ACADM: variants seen among roughly 807,000 people sequenced by gnomAD.
The protein encoded by ACADM is medium-chain specific acyl-CoA dehydrogenase, mitochondrial.
Under a neutral mutation model 58.9 loss-of-function variants are expected in ACADM, and 49 were observed. The observed-to-expected ratio is 0.83, with a 90% CI of 0.66 to 1.06. The LOEUF (loss-of-function observed/expected upper bound fraction) is 1.06. ACADM is among the 50% of genes least tolerant of loss of function. The pLI, the probability that ACADM is intolerant of heterozygous loss-of-function variation, is 0.00. For synonymous variants in ACADM, 160 were observed against 157.7 expected (o/e 1.01, Z -0.11); for missense variants, 496 against 507.0 (o/e 0.98, Z 0.21).
intron 2 of ACADM, 140 bp downstream of exon 2, chr1:75,728,628 A>ATCTGTG: frequency 1.6e-6 from 1 of 643,122 alleles, no homozygotes; most frequent in Non-Finnish European, 2.8e-6. Flanking sequence ...ATAATTTACA[A>ATCTGTG]TAACTCACAC....
chr1:75,744,587 T>A (rs17097423), intron 7 of ACADM: 3 of 1,330,160 alleles, frequency 2.3e-6, no homozygotes, highest in Non-Finnish European at 3.2e-6. Flanking sequence ...TTGCATACAG[T>A]TGTAGTTCTG....
At chr1:75,735,983 CTAAA>C (rs924300653) in intron 6 of ACADM, among the ~76,000 whole-genome samples, 8 of 151,812 alleles carry the variant, frequency 5.3e-5, no homozygotes, top group African/African-American at 1.9e-4. Flanking sequence ...GACCCTGTCT[CTAAA>C]TAAATAAATA....
chr1:75,737,719 C>T (rs981895792), intron 6 of ACADM, among the ~76,000 whole-genome samples: 1 of 151,998 alleles, frequency 6.6e-6, no homozygotes, highest in Non-Finnish European at 1.5e-5. Context: ...CCTTCTGAAA[C>T]AGCATCATTT....
chr1:75,750,696 T>G (rs1203065228), intron 10 of ACADM, 150 bp downstream of exon 10: 1 of 707,336 alleles, frequency 1.4e-6, no homozygotes, highest in Non-Finnish European at 2.5e-6. Flanking sequence ...TCAAAGACAT[T>G]TCTTTTTAGA....
At chr1:75,734,618 T>TA in intron 5 of ACADM, 173 bp from the exon 6 acceptor site, 2 of 593,790 alleles carry the variant, frequency 3.4e-6, no homozygotes, top group Non-Finnish European at 6.0e-6. Flanking sequence ...TGAAAATACT[T>TA]AGATTAGCAG....
intron 10 of ACADM, among the ~76,000 whole-genome samples, chr1:75,760,361 G>A (rs1648762208): frequency 1.3e-5 from 2 of 149,140 alleles, no homozygotes. Flanking sequence ...GGCAGAGGTT[G>A]CAGTGAGCCG....
chr1:75,741,113 A>G (rs1396861364), intron 7 of ACADM, among the ~76,000 whole-genome samples: 6 of 152,228 alleles, frequency 3.9e-5, no homozygotes, highest in Non-Finnish European at 7.3e-5. Flanking sequence ...ACCCATCACT[A>G]CAAGTATATA....
chr1:75,740,675 AT>A (rs1172695111), intron 7 of ACADM, among the ~76,000 whole-genome samples: 2 of 152,194 alleles, frequency 1.3e-5, no homozygotes, highest in Admixed American at 6.5e-5. Flanking sequence ...TTGATAAAAG[AT>A]GAGGAAAGTT....
chr1:75,733,601 G>T lies in ACADM; in HGVS notation c.360G>T (p.Gln120His), dbSNP rs951875763. Residue 120 changes from glutamine to histidine, a missense_variant, in exon 5 of 12, where the codon CAG becomes CAT. Gln to His is a conservative substitution (Grantham distance 24). Transcript: ENST00000370841. ...TGGCTTATGGATGTACAGGGGTTCA[G>T]ACTGCTATTGAAGGAAATTCTTTGG... is the stretch of plus-strand genomic sequence containing the variant. Reference protein sequence around the residue: ...EELAYGCTGVQTAIEGNSLGQ... With the variant: ...EELAYGCTGVHTAIEGNSLGQ... 6.2e-7 allele frequency: 1 copy of T among 1,613,878 alleles called. No individual in the cohort carries two copies. The highest frequency in any genetic ancestry group is 1.7e-5 in the Admixed American group (1 of 59,990).
intron 11 of ACADM, 66 bp downstream of exon 11, chr1:75,761,436 T>A: frequency 6.4e-7 from 1 of 1,565,364 alleles, no homozygotes; most frequent in Non-Finnish European, 8.8e-7. Context: ...CAACGTGGAT[T>A]TCTGATTATT....
rs1443376428 is a variant in ACADM, at chr1:75,731,019, G to C, written c.119-1625G>C. Among the ~76,000 whole-genome samples, 3 of 152,188 alleles carry C rather than the reference G, an allele frequency of 2.0e-5. No homozygotes were observed. The East Asian group carries it at 5.8e-4, about 29-fold the overall frequency. ...AAGAGAGATTTGGCTGGGCGCAGTG[G>C]CTCGGGCCTGTAATCCCAGCACTTT... is the stretch of plus-strand genomic sequence containing the variant. On this transcript the variant is annotated intron_variant, in intron 2 of 11. Transcript: ENST00000370841.
At chr1:75,749,283 G>A in intron 8 of ACADM, 136 bp from the exon 9 acceptor site, 1 of 824,016 alleles carries the variant, frequency 1.2e-6, no homozygotes, top group South Asian at 1.6e-5. Context: ...GGCTTTCTTT[G>A]CAAAACAGGC....
At chr1:75,748,100 A>G (rs1647992601) in intron 8 of ACADM, among the ~76,000 whole-genome samples, 1 of 152,206 alleles carries the variant, frequency 6.6e-6, no homozygotes, top group Non-Finnish European at 1.5e-5. Context: ...ATTAAACATG[A>G]GATCAAGTTT....
chr1:75,740,083 G>A lies in ACADM; in HGVS notation c.572G>A (p.Trp191Ter), dbSNP rs761334406. The A allele has an allele frequency of 1.2e-6, 2 of 1,612,362 alleles. No individual in the cohort carries two copies. The highest frequency in any genetic ancestry group is 2.2e-5 in the South Asian group (2 of 91,004). Reference sequence around the variant, plus strand: ...TATATTATTAATGGTCAGAAGATGTGGATAACCAACGGAGGAAAAGCTAAT... The same window carrying A: ...TATATTATTAATGGTCAGAAGATGTAGATAACCAACGGAGGAAAAGCTAAT... ...DEYIINGQKM[W>*]ITNGGKANWY... Residue 191 changes from tryptophan to a stop codon, truncating the protein, a stop_gained, in exon 7 of 12, where the codon TGG (tryptophan) becomes TAG (stop). Coordinates refer to ENST00000370841, the MANE Select transcript of ACADM (RefSeq NM_000016.6). LOFTEE classifies it high-confidence loss of function.
At chr1:75,745,135 C>T (rs1188839361) in intron 7 of ACADM, among the ~76,000 whole-genome samples, 1 of 152,012 alleles carries the variant, frequency 6.6e-6, no homozygotes, top group East Asian at 1.9e-4. Flanking sequence ...AAAGTGGGCC[C>T]AGCAAGAGAT....
intron 2 of ACADM, among the ~76,000 whole-genome samples, chr1:75,729,513 C>CT (rs148471430): frequency 0.36 from 42,855 of 120,584 alleles, 6,610 homozygotes; most frequent in African/African-American, 0.43. Flanking sequence ...TTTCTCTTTT[C>CT]TTTTTTTTGA....
chr1:75,750,652 G>C, intron 10 of ACADM, 106 bp downstream of exon 10: 1 of 795,986 alleles, frequency 1.3e-6, no homozygotes, highest in Non-Finnish European at 2.2e-6. Flanking sequence ...TACTTTGATA[G>C]CAAGAAGATA....
intron 2 of ACADM, among the ~76,000 whole-genome samples, chr1:75,731,608 A>T (rs991680151): frequency 8.5e-5 from 13 of 152,232 alleles, no homozygotes; most frequent in Non-Finnish European, 1.8e-4. Flanking sequence ...TATTTTATGT[A>T]AACAAATTGT....
intron 10 of ACADM, among the ~76,000 whole-genome samples, chr1:75,757,857 C>G (rs373691103): frequency 1.3e-5 from 2 of 152,188 alleles, no homozygotes; most frequent in East Asian, 3.9e-4. Flanking sequence ...AGCATCAGAT[C>G]CCACAGGCTT....
Sources: allele counts gnomAD v4.1 joint callset (sites outside exome capture counted in the v4.1 genomes callset), GRCh38; gene constraint gnomAD v4.1.1; transcripts MANE v1.5; gene names NCBI Gene and HGNC (gene_info 2026-07-23, HGNC 2026-07-21).